Variants in KIAA1217 observed in about 807,000 individuals in gnomAD.
KIAA1217 encodes the protein sickle tail protein homolog.
A neutral mutation model predicts 163.9 loss-of-function variants in KIAA1217; 88 were observed. That is an observed-to-expected ratio of 0.54 (90% CI 0.45 to 0.64). The LOEUF (loss-of-function observed/expected upper bound fraction) is 0.64, where lower values mean the gene tolerates loss of function less well. Among genes scored for constraint, KIAA1217 ranks in the 30% least tolerant of loss-of-function variants. KIAA1217 has a pLI of 0.00. For synonymous variants in KIAA1217, 903 were observed against 923.1 expected, an observed-to-expected ratio of 0.98 and a Z score of 0.39; for missense variants, 2,372 against 2,475.0, an observed-to-expected ratio of 0.96 and a Z score of 0.88.
chr10:24,002,939 A>G (rs1317859207), intron 1 of KIAA1217, among the ~76,000 whole-genome samples: 1 of 152,220 alleles, frequency 6.6e-6, no homozygotes, highest in Non-Finnish European at 1.5e-5. Context: ...CACTTGGAAT[A>G]ATGGTGTCCA....
At chr10:24,125,125 A>T (rs1027430745) in intron 2 of KIAA1217, among the ~76,000 whole-genome samples, 1 of 152,142 alleles carries the variant, frequency 6.6e-6, no homozygotes, top group African/African-American at 2.4e-5. Context: ...TACAAAAATT[A>T]GCTGGATGTG....
chr10:23,769,277 G>A (rs951707277), intron 1 of KIAA1217, among the ~76,000 whole-genome samples: 16 of 152,160 alleles, frequency 1.1e-4, no homozygotes, highest in Non-Finnish European at 8.8e-5. Context: ...CATAGGATCA[G>A]ATGAGCCAGT....
At chr10:24,515,313 C>T (rs774566012) in intron 10 of KIAA1217, among the ~76,000 whole-genome samples, 2 of 152,140 alleles carry the variant, frequency 1.3e-5, no homozygotes, top group Non-Finnish European at 2.9e-5. Context: ...GGTGATCCAC[C>T]TGCCTCAGCC....
At chr10:24,093,176 T>C (rs1048815691) in intron 2 of KIAA1217, among the ~76,000 whole-genome samples, 1 of 151,106 alleles carries the variant, frequency 6.6e-6, no homozygotes, top group Non-Finnish European at 1.5e-5. Context: ...TTTATTTATT[T>C]ATTTATTTTT....
intron 17 of KIAA1217, among the ~76,000 whole-genome samples, chr10:24,539,959 C>T (rs1474965650): frequency 1.3e-5 from 2 of 152,124 alleles, no homozygotes; most frequent in African/African-American, 2.4e-5. Context: ...ATCCAAATCC[C>T]AGGGCCTATA....
chr10:24,031,215 T>C (rs1848173572), intron 2 of KIAA1217, among the ~76,000 whole-genome samples: 1 of 152,212 alleles, frequency 6.6e-6, no homozygotes, highest in Non-Finnish European at 1.5e-5. Flanking sequence ...TGTTTTTTGT[T>C]TTTTTCATAG....
At chr10:23,781,876 T>C (rs1292091035) in intron 1 of KIAA1217, among the ~76,000 whole-genome samples, 3 of 152,194 alleles carry the variant, frequency 2.0e-5, no homozygotes, top group Non-Finnish European at 4.4e-5. Context: ...ATTTGTTGAC[T>C]ATATATGCAC....
At chr10:24,507,325 A>C (rs148033240) in intron 9 of KIAA1217, among the ~76,000 whole-genome samples, 2 of 152,210 alleles carry the variant, frequency 1.3e-5, no homozygotes, top group Admixed American at 1.3e-4. Flanking sequence ...GACCTATAAC[A>C]TTAAGAAAAA....
At chr10:24,457,489 C>T (rs1015022594) in intron 5 of KIAA1217, among the ~76,000 whole-genome samples, 6 of 152,054 alleles carry the variant, frequency 3.9e-5, no homozygotes, top group Non-Finnish European at 8.8e-5. Flanking sequence ...GCCTTGAACT[C>T]CTGGGCTCAA....
At chr10:23,909,949 C>T (rs958358294) in intron 1 of KIAA1217, among the ~76,000 whole-genome samples, 14 of 152,328 alleles carry the variant, frequency 9.2e-5, no homozygotes, top group African/African-American at 2.6e-4. Context: ...GCATCCTCTC[C>T]AGCATCTGTC....
chr10:23,947,829 G>A (rs1844125533), intron 1 of KIAA1217, among the ~76,000 whole-genome samples: 1 of 152,084 alleles, frequency 6.6e-6, no homozygotes, highest in Non-Finnish European at 1.5e-5. Flanking sequence ...ATCATAAATG[G>A]TGACAATTAG....
At chr10:24,164,142 A>G (rs1366760006) in intron 2 of KIAA1217, among the ~76,000 whole-genome samples, 16 of 152,228 alleles carry the variant, frequency 1.1e-4, no homozygotes, top group Non-Finnish European at 2.1e-4. Context: ...TGAGCTAAGG[A>G]CAGGGGACAA....
rs532630532 is a variant in KIAA1217 at position 24,534,266 on chromosome 10, T to C, written c.3414+1029T>C. On this transcript the variant is annotated intron_variant, in intron 16 of 20. Coordinates refer to ENST00000376454, the MANE Select transcript of KIAA1217 (RefSeq NM_019590.5). ...CAGAACTGCTGGTTGATTTGTCACATACGTGAGCCCTTTCACACTTCACTA... is the reference window on the plus strand; with the variant it reads ...CAGAACTGCTGGTTGATTTGTCACACACGTGAGCCCTTTCACACTTCACTA... Among the ~76,000 whole-genome samples the C allele has an allele frequency of 5.3e-5, 8 of 152,352 alleles. No homozygotes were observed. In the South Asian group the frequency reaches 1.7e-3, roughly 32 times the overall value.
At chr10:24,254,516 C>T (rs2074926792) in intron 2 of KIAA1217, among the ~76,000 whole-genome samples, 1 of 152,182 alleles carries the variant, frequency 6.6e-6, no homozygotes, top group Non-Finnish European at 1.5e-5. Context: ...GGGGCATGTC[C>T]TCTGGGTGGT....
In KIAA1217 at chr10:24,309,352, A is replaced by G. The variant is rs2014556; in HGVS notation, c.355-71517A>G. ...AATAGGCGCGCGCACGCGCGCGCGC[A>G]CACACACACACACACACACACACAC... On this transcript the variant is annotated intron_variant, in intron 2 of 20. Transcript: ENST00000376454. 8.0e-3 allele frequency among the ~76,000 whole-genome samples: 721 copies of G among 89,656 alleles called. 3 individuals are homozygous for G. Among genetic ancestry groups the G allele is most frequent in the Middle Eastern group, 0.031 (5 of 160 alleles). 58.8% of individuals were successfully genotyped at this position (89,656 alleles called of 152,430 possible).
intron 5 of KIAA1217, among the ~76,000 whole-genome samples, chr10:24,459,213 G>C (rs1041975282): frequency 2.0e-5 from 3 of 152,144 alleles, no homozygotes; most frequent in Non-Finnish European, 2.9e-5. Context: ...CCATGCCTTA[G>C]TTCCTGCCTG....
chr10:23,699,411 A>G (rs1836274280), intron 1 of KIAA1217, among the ~76,000 whole-genome samples: 1 of 152,180 alleles, frequency 6.6e-6, no homozygotes, highest in African/African-American at 2.4e-5. Flanking sequence ...AGTTTTCATG[A>G]CACAGCCATG....
At chr10:24,346,835 T>A (rs1000124280) in intron 2 of KIAA1217, among the ~76,000 whole-genome samples, 2 of 152,118 alleles carry the variant, frequency 1.3e-5, no homozygotes, top group African/African-American at 4.8e-5. Context: ...CCTCCCAAAG[T>A]GCTGGGACAA....
intron 6 of KIAA1217, among the ~76,000 whole-genome samples, chr10:24,475,945 A>G (rs1304298499): frequency 1.3e-5 from 2 of 152,150 alleles, no homozygotes; most frequent in African/African-American, 4.8e-5. Context: ...CCAGAAAACA[A>G]TAAAGATAAT....
Sources: allele counts gnomAD v4.1 joint callset (sites outside exome capture counted in the v4.1 genomes callset), GRCh38; gene constraint gnomAD v4.1.1; transcripts MANE v1.5; gene names NCBI Gene and HGNC (gene_info 2026-07-23, HGNC 2026-07-21).